The following CCDC149 variants were observed in gnomAD, a reference collection of about 807,000 sequenced individuals.
CCDC149 encodes the protein coiled-coil domain-containing protein 149.
In CCDC149, 45 loss-of-function variants were observed where a neutral mutation model predicts 59.9. The observed-to-expected ratio is 0.75, with a 90% confidence interval of 0.59 to 0.96. The LOEUF (loss-of-function observed/expected upper bound fraction) is 0.96, where lower values mean the gene tolerates loss of function less well. CCDC149 is among the 40% of genes least tolerant of loss of function. The pLI, the probability that CCDC149 is intolerant of heterozygous loss-of-function variation, is 0.00. For synonymous variants in CCDC149, 245 were observed against 260.6 expected (o/e 0.94, Z 0.58); for missense variants, 584 against 664.7 (o/e 0.88, Z 1.33).
chr4:24,820,565 T>G (rs1377639549), intron 11 of CCDC149, among the ~76,000 whole-genome samples: 1 of 152,190 alleles, frequency 6.6e-6, no homozygotes, highest in African/African-American at 2.4e-5. Flanking sequence ...GTATTGTGTC[T>G]TATTTCACCA....
chr4:24,967,045 A>G (rs957509159), intron 1 of CCDC149, among the ~76,000 whole-genome samples: 4 of 152,070 alleles, frequency 2.6e-5, no homozygotes, highest in Non-Finnish European at 5.9e-5. Flanking sequence ...TGAAAGTGAA[A>G]CCTGTATCTC....
At chr4:24,813,501 T>TATATATATATATAC (rs1371497741) in intron 12 of CCDC149, among the ~76,000 whole-genome samples, 459 of 42,084 alleles carry the variant, frequency 0.011, 7 homozygotes, top group African/African-American at 0.03. Context: ...TATATATATA[T>TATATATATATATAC]ATATATATAT....
chr4:24,831,737 A>G, intron 8 of CCDC149, 87 bp from the exon 9 acceptor site: 3 of 1,207,188 alleles, frequency 2.5e-6, no homozygotes, highest in East Asian at 2.4e-5. Flanking sequence ...TTGGATAATG[A>G]TATGTCCCCA....
At chr4:24,820,605 C>A (rs1387660818) in intron 11 of CCDC149, among the ~76,000 whole-genome samples, 1 of 152,184 alleles carries the variant, frequency 6.6e-6, no homozygotes, top group Non-Finnish European at 1.5e-5. Flanking sequence ...ACACAAAAAA[C>A]AATGAGCAGA....
rs369087231 is a variant in CCDC149, at chr4:24,837,248, G to A, written c.642C>T (p.Asp214=). The A allele has an allele frequency of 7.9e-5, 127 of 1,614,174 alleles. No individual in the cohort carries two copies. Among genetic ancestry groups the A allele is most frequent in the South Asian group, 1.2e-4 (11 of 91,078 alleles). ...CTTGCCTGTTCTCCATACACAGGGCGTCCACGTCAATGATGCGGTTCTCGT... is the reference window on the plus strand; with the variant it reads ...CTTGCCTGTTCTCCATACACAGGGCATCCACGTCAATGATGCGGTTCTCGT... The change falls in exon 6 of 13, where the codon GAC becomes GAT. Residue 214 remains aspartate (D), a synonymous_variant. Transcript: ENST00000635206. The surrounding 1 kb of genome is among the most constrained non-coding windows in gnomAD (Gnocchi z 4.3).
intron 1 of CCDC149, among the ~76,000 whole-genome samples, chr4:24,936,095 T>C (rs1722772299): frequency 6.6e-6 from 1 of 152,126 alleles, no homozygotes; most frequent in Non-Finnish European, 1.5e-5. Flanking sequence ...TCCAGAAGTC[T>C]TGGGCAACCT....
In CCDC149 at chr4:24,912,783, G is replaced by A. The variant is rs758157318; in HGVS notation, c.63+34C>T. On this transcript the variant is annotated intron_variant, in intron 1 of 12. Transcript: ENST00000635206. Reference sequence around the variant, plus strand: ...CCCGGGGCTGGCGGCCGCTCGGCCCGGCCCATCCCGCCTGGCCGGCGCCGC... The same window carrying A: ...CCCGGGGCTGGCGGCCGCTCGGCCCAGCCCATCCCGCCTGGCCGGCGCCGC... The A allele has an allele frequency of 1.4e-3, 1,815 of 1,276,896 alleles. 4 individuals carry two copies. Among genetic ancestry groups the A allele is most frequent in the Non-Finnish European group, 1.7e-3 (1,715 of 1,002,102 alleles). The allele number at this position is 1,276,896 out of a possible 1,614,324, so 79.1% of individuals were successfully genotyped here. A position where few individuals can be genotyped will look rare whatever the true frequency, so the allele number is the denominator to read the frequency against.
chr4:24,965,008 G>C (rs1375201028), intron 1 of CCDC149, among the ~76,000 whole-genome samples: 1 of 151,160 alleles, frequency 6.6e-6, no homozygotes, highest in African/African-American at 2.5e-5. Flanking sequence ...AACATTTTCA[G>C]ATAAAAGAAT....
At position 24,838,259 on chromosome 4, in the gene CCDC149, G is replaced by T; in HGVS notation, c.386C>A (p.Thr129Lys). The stretch of plus-strand genomic sequence containing the variant: ...GTCTCCGAGCCTTTGTTTGGCAATC[G>T]TCATCCTCAAGAGCTGCATTTTCCA... Residue 129 changes from threonine (T) to lysine (K), a missense_variant, in exon 5 of 13, where the codon ACG (threonine) becomes AAG (lysine). Physicochemically the swap from Thr to Lys is moderately conservative, Grantham distance 78. Coordinates refer to ENST00000635206, the MANE Select transcript of CCDC149 (RefSeq NM_001330643.2). 6.2e-7 allele frequency: 1 copy of T among 1,613,728 alleles called. No homozygotes were observed. Among genetic ancestry groups the T allele is most frequent in the Non-Finnish European group, 8.5e-7 (1 of 1,179,666 alleles).
At chr4:24,911,107 C>T (rs746319972) in intron 1 of CCDC149, among the ~76,000 whole-genome samples, 3 of 152,082 alleles carry the variant, frequency 2.0e-5, no homozygotes, top group Admixed American at 1.3e-4. Context: ...AAGCATTTTT[C>T]GAGCACCTGC....
chr4:24,915,750 A>C (rs1353447165), upstream of CCDC149, among the ~76,000 whole-genome samples: 1 of 152,158 alleles, frequency 6.6e-6, no homozygotes, highest in Non-Finnish European at 1.5e-5. Context: ...GCCAGCTCAA[A>C]CCTGCTTCGC....
rs144796698 is a variant in CCDC149, at chr4:24,808,329, C to T, written c.*60G>A. The T allele has an allele frequency of 3.9e-4, 541 of 1,390,436 alleles. 3 individuals are homozygous for T. The African/African-American group carries it at 7.5e-3, about 19-fold the overall frequency. 86.1% of individuals were successfully genotyped at this position (1,390,436 alleles called of 1,614,324 possible). On this transcript the variant is annotated 3_prime_UTR_variant, in exon 13 of 13. Transcript: ENST00000635206. ...GCGACGTGAGCGCACCATTCCGATG[C>T]TTCATTCTTGACCCTCTCTGGGGCT...
At chr4:24,945,578 G>GTTGTTT (rs1577499175) in intron 1 of CCDC149, among the ~76,000 whole-genome samples, 2 of 151,180 alleles carry the variant, frequency 1.3e-5, no homozygotes, top group East Asian at 3.9e-4. Context: ...GTAAATGTCT[G>GTTGTTT]TTGTTTTAAG....
chr4:24,841,612 C>T (rs1396968138), intron 4 of CCDC149, among the ~76,000 whole-genome samples: 1 of 152,200 alleles, frequency 6.6e-6, no homozygotes, highest in Non-Finnish European at 1.5e-5. Flanking sequence ...AAGGACGTCA[C>T]CGCAGAGGAG....
At chr4:24,875,605 G>A (rs1719365191) in intron 2 of CCDC149, among the ~76,000 whole-genome samples, 1 of 151,548 alleles carries the variant, frequency 6.6e-6, no homozygotes, top group African/African-American at 2.4e-5. Context: ...AAAGTAATTG[G>A]GATTACAGGT....
chr4:24,935,465 C>G (rs1182924788), intron 1 of CCDC149, among the ~76,000 whole-genome samples: 1 of 152,148 alleles, frequency 6.6e-6, no homozygotes, highest in African/African-American at 2.4e-5. Flanking sequence ...TATGTTAAAA[C>G]CTAACCCCCA....
At chr4:24,929,405 C>A (rs868219273) in intron 1 of CCDC149, among the ~76,000 whole-genome samples, 1 of 152,148 alleles carries the variant, frequency 6.6e-6, no homozygotes, top group Non-Finnish European at 1.5e-5. Flanking sequence ...GCGCCACCAC[C>A]GCTATCATTT....
chr4:24,868,746 C>G (rs1359427521), intron 3 of CCDC149, among the ~76,000 whole-genome samples: 4 of 152,048 alleles, frequency 2.6e-5, no homozygotes. Context: ...TGCCTTTTTT[C>G]ACCCCGTGCC....
At chr4:24,864,348 A>G (rs934399861) in intron 3 of CCDC149, among the ~76,000 whole-genome samples, 1 of 152,108 alleles carries the variant, frequency 6.6e-6, no homozygotes, top group African/African-American at 2.4e-5. Context: ...TATTGTAGAA[A>G]CTAAGATTGG....
Sources: gnomAD v4.1 joint callset for allele counts (sites outside exome capture counted in the v4.1 genomes callset) on GRCh38, gnomAD v4.1.1 for gene constraint, Gnocchi (gnomAD v3.1) non-coding constraint, MANE v1.5 for transcripts, NCBI Gene and HGNC (gene_info 2026-07-23, HGNC 2026-07-21) for gene names.